The following C1QTNF3 variants were observed in gnomAD, a reference collection of about 807,000 sequenced individuals.
C1QTNF3 encodes complement C1q tumor necrosis factor-related protein 3.
In C1QTNF3, 26 loss-of-function variants were observed where a neutral mutation model predicts 32.6. The observed-to-expected ratio is 0.80, with a 90% CI of 0.58 to 1.11. The LOEUF is 1.11. C1QTNF3 is among the 50% of genes least tolerant of loss of function. The pLI is 0.00. For missense variants in C1QTNF3, 362 were observed against 398.2 expected, an observed-to-expected ratio of 0.91 and a Z score of 0.77; for synonymous variants, 155 against 146.0, an observed-to-expected ratio of 1.06 and a Z score of -0.44.
At chr5:34,039,416 T>C (rs1754815744) in intron 1 of C1QTNF3, among the ~76,000 whole-genome samples, 2 of 152,176 alleles carry the variant, frequency 1.3e-5, no homozygotes, top group Admixed American at 1.3e-4. Flanking sequence ...CTTGCGTTGG[T>C]CTCTCCTTCC....
At chr5:34,076,874 G>A in the C1QTNF3 span, among the ~76,000 whole-genome samples, 1 of 151,390 alleles carries the variant, frequency 6.6e-6, no homozygotes, top group Non-Finnish European at 1.5e-5. Context: ...CTCAGGTTAC[G>A]AGCTAGTCAG....
the C1QTNF3 span, among the ~76,000 whole-genome samples, chr5:34,071,402 A>T: frequency 3.9e-5 from 6 of 152,190 alleles, no homozygotes; most frequent in Non-Finnish European, 1.5e-5. Flanking sequence ...ACAAATTAAT[A>T]GATGTTTTTC....
At chr5:34,026,307 A>G (rs1041372783) in intron 4 of C1QTNF3, among the ~76,000 whole-genome samples, 2 of 152,116 alleles carry the variant, frequency 1.3e-5, no homozygotes, top group Admixed American at 1.3e-4. Context: ...ACTCCCTGAT[A>G]GTGAGGGCCA....
chr5:34,078,252 G>A, the C1QTNF3 span, among the ~76,000 whole-genome samples: 1 of 151,702 alleles, frequency 6.6e-6, no homozygotes, highest in African/African-American at 2.4e-5. This position sits in a 1 kb window ranked among gnomAD's most constrained non-coding sequence, Gnocchi z 4.0. Context: ...AGGCCCAGTC[G>A]TTCCCCTGTT....
At chr5:34,131,440 G>A in the C1QTNF3 span, among the ~76,000 whole-genome samples, 7 of 151,186 alleles carry the variant, frequency 4.6e-5, no homozygotes, top group Admixed American at 3.3e-4. Context: ...ACACACAGGC[G>A]CACACACACA....
chr5:34,133,354 C>G, the C1QTNF3 span, among the ~76,000 whole-genome samples: 2 of 152,098 alleles, frequency 1.3e-5, no homozygotes, highest in African/African-American at 4.8e-5. Context: ...ATAACTGTGT[C>G]TCCCTTAGCA....
chr5:34,132,429 G>GTATATA, the C1QTNF3 span, among the ~76,000 whole-genome samples: 1 of 34,400 alleles, frequency 2.9e-5, no homozygotes, highest in African/African-American at 9.6e-5. Context: ...GTATGTGTAT[G>GTATATA]TGTATGTATA....
At chr5:34,239,686 T>C in the C1QTNF3 span, among the ~76,000 whole-genome samples, 1 of 152,084 alleles carries the variant, frequency 6.6e-6, no homozygotes, top group Non-Finnish European at 1.5e-5. Flanking sequence ...ACCCAATAAT[T>C]GTAGGAGACT....
chr5:34,163,569 T>A, the C1QTNF3 span, among the ~76,000 whole-genome samples: 4 of 152,080 alleles, frequency 2.6e-5, no homozygotes, highest in Admixed American at 6.6e-5. Context: ...TATTGAAAAG[T>A]GCTTAAAATG....
the C1QTNF3 span, among the ~76,000 whole-genome samples, chr5:34,135,502 T>A: frequency 2.0e-5 from 3 of 152,150 alleles, no homozygotes; most frequent in African/African-American, 7.2e-5. Flanking sequence ...TGGTAACAGC[T>A]CCTCTTTGTA....
chr5:34,082,303 T>C, the C1QTNF3 span, among the ~76,000 whole-genome samples: 3 of 151,374 alleles, frequency 2.0e-5, no homozygotes, highest in Non-Finnish European at 4.4e-5. Flanking sequence ...CCCCATCCAA[T>C]ATAAGTGACA....
the C1QTNF3 span, among the ~76,000 whole-genome samples, chr5:34,056,768 C>CCCAAAGT: frequency 3.3e-5 from 5 of 151,990 alleles, no homozygotes; most frequent in African/African-American, 9.7e-5. Context: ...ACCTGGGCCT[C>CCCAAAGT]CCAAAGTGCT....
chr5:34,196,373 A>C, the C1QTNF3 span, among the ~76,000 whole-genome samples: 1 of 152,310 alleles, frequency 6.6e-6, no homozygotes, highest in Non-Finnish European at 1.5e-5. Flanking sequence ...CCTGAGCTCA[A>C]GTTATCCACC....
At chr5:34,054,040 C>T in the C1QTNF3 span, among the ~76,000 whole-genome samples, 16 of 152,164 alleles carry the variant, frequency 1.1e-4, no homozygotes, top group East Asian at 3.9e-4. Flanking sequence ...AAAGACCTGG[C>T]GTTGGGTCTC....
the C1QTNF3 span, among the ~76,000 whole-genome samples, chr5:34,118,826 C>T: frequency 2.6e-5 from 4 of 152,084 alleles, no homozygotes; most frequent in African/African-American, 9.7e-5. Flanking sequence ...CTTTTCATCA[C>T]ATTGAAAAGG....
chr5:34,122,155 T>C, the C1QTNF3 span, among the ~76,000 whole-genome samples: 1 of 152,108 alleles, frequency 6.6e-6, no homozygotes, highest in Non-Finnish European at 1.5e-5. Context: ...TGGGGACGTT[T>C]TGGGATTGGG....
At chr5:34,185,427 T>C in the C1QTNF3 span, among the ~76,000 whole-genome samples, 2 of 152,302 alleles carry the variant, frequency 1.3e-5, no homozygotes, top group African/African-American at 4.8e-5. Context: ...TTCATTAACA[T>C]TGAACTCACA....
chr5:34,227,798 G>A, the C1QTNF3 span, among the ~76,000 whole-genome samples: 1 of 151,754 alleles, frequency 6.6e-6, no homozygotes, highest in Admixed American at 6.6e-5. Context: ...GCTAAAATTG[G>A]TAAGTATATC....
At chr5:34,231,328 A>AT in the C1QTNF3 span, among the ~76,000 whole-genome samples, 35 of 152,162 alleles carry the variant, frequency 2.3e-4, no homozygotes, top group African/African-American at 8.2e-4. Flanking sequence ...CAACATAGAT[A>AT]TTTTTTAGTT....
Sources: gnomAD v4.1 joint callset for allele counts (sites outside exome capture counted in the v4.1 genomes callset) on GRCh38, gnomAD v4.1.1 for gene constraint, Gnocchi (gnomAD v3.1) non-coding constraint, MANE v1.5 for transcripts, NCBI Gene and HGNC (gene_info 2026-07-23, HGNC 2026-07-21) for gene names.